STX11: variants seen among roughly 807,000 people sequenced by gnomAD.
The protein encoded by STX11 is syntaxin-11.
Under a neutral mutation model 19.9 loss-of-function variants are expected in STX11, and 21 were observed. The observed-to-expected ratio is 1.06, with a 90% CI of 0.75 to 1.52. STX11 has a LOEUF of 1.52. Among genes scored for constraint, STX11 ranks in the 40% most tolerant of loss-of-function variants. The pLI is 0.00. For synonymous variants in STX11, 193 were observed against 174.4 expected, an observed-to-expected ratio of 1.11 and a Z score of -0.84; for missense variants, 438 against 405.9, an observed-to-expected ratio of 1.08 and a Z score of -0.68.
the STX11 span, among the ~76,000 whole-genome samples, chr6:144,143,266 C>A: frequency 6.6e-6 from 1 of 152,206 alleles, no homozygotes; most frequent in Admixed American, 6.5e-5. Flanking sequence ...GGGAACATTT[C>A]TGTCAGGATT....
chr6:144,187,570 C>T lies in STX11; in HGVS notation c.*79C>T, dbSNP rs2128757629. The T allele has an allele frequency of 1.3e-6, 2 of 1,589,036 alleles. No homozygotes were observed. Among genetic ancestry groups the T allele is most frequent in the Middle Eastern group, 2.3e-4 (1 of 4,428 alleles). On this transcript the variant is annotated 3_prime_UTR_variant, in exon 2 of 2. Transcript: ENST00000367568. The surrounding 1 kb of genome is among the most constrained non-coding windows in gnomAD (Gnocchi z 5.6). ...GGACGCACCAAAGCCGGGAGCTCTG[C>T]CCTGCAGGGAGTTGCCCCAACCCTT...
rs943481986 is a variant in STX11, at chr6:144,155,845, T to A, written c.-6+5142T>A. On this transcript the variant is annotated intron_variant, in intron 1 of 1. Transcript: ENST00000367568. The surrounding 1 kb of genome is among the most constrained non-coding windows in gnomAD (Gnocchi z 4.5). ...ATTTCATTCAACTTCTTTGTAAGGCTCAGTAATTGGGTAATTTTTAGAATG... is the reference window on the plus strand; with the variant it reads ...ATTTCATTCAACTTCTTTGTAAGGCACAGTAATTGGGTAATTTTTAGAATG... Among the ~76,000 whole-genome samples, 2 of 152,220 alleles carry A rather than the reference T, an allele frequency of 1.3e-5. No homozygotes were observed. Among genetic ancestry groups the A allele is most frequent in the Non-Finnish European group, 2.9e-5 (2 of 68,044 alleles).
chr6:144,141,267 C>T, the STX11 span, among the ~76,000 whole-genome samples: 4 of 151,536 alleles, frequency 2.6e-5, no homozygotes, highest in South Asian at 8.3e-4. Flanking sequence ...TATTTGTATA[C>T]GTTAGAGCAA....
In STX11 at chr6:144,177,788, C is replaced by G. The variant is rs923754615; in HGVS notation, c.-5-8835C>G. Among the ~76,000 whole-genome samples, 1 of 152,194 alleles carries G rather than the reference C, an allele frequency of 6.6e-6. No individual in the cohort carries two copies. Among genetic ancestry groups the G allele is most frequent in the African/African-American group, 2.4e-5 (1 of 41,450 alleles). On this transcript the variant is annotated intron_variant, in intron 1 of 1. Transcript: ENST00000367568. The surrounding 1 kb of genome is among the most constrained non-coding windows in gnomAD (Gnocchi z 4.4). ...AAGAAAGCTCATCTACTGTCCTTTCCTGCTGTGGCTTCTATGCACCTGACT... is the reference window on the plus strand; with the variant it reads ...AAGAAAGCTCATCTACTGTCCTTTCGTGCTGTGGCTTCTATGCACCTGACT...
rs1362197124 is a variant in STX11, at chr6:144,169,581, G to T, written c.-5-17042G>T. 6.6e-6 allele frequency among the ~76,000 whole-genome samples: 1 copy of T among 152,022 alleles called. No homozygotes were observed. The highest frequency in any genetic ancestry group is 1.5e-5 in the Non-Finnish European group (1 of 67,988). The stretch of plus-strand genomic sequence containing the variant: ...ATCCACCCTTTCAATACATGATCAA[G>T]ATCTTCATTTCTAGCTTTATACAGT... On this transcript the variant is annotated intron_variant, in intron 1 of 1. Transcript: ENST00000367568. The surrounding 1 kb of genome is among the most constrained non-coding windows in gnomAD (Gnocchi z 5.2).
In STX11 at chr6:144,154,096, G is replaced by GA. The variant is rs1260506420; in HGVS notation, c.-6+3395dup. Among the ~76,000 whole-genome samples the GA allele has an allele frequency of 2.6e-5, 4 of 152,212 alleles. No individual in the cohort carries two copies. In the East Asian group the frequency reaches 7.7e-4, roughly 29 times the overall value. ...ACTCAAATTAACTGCTTTGACTGGT[G>GA]AAGAAAGTGCAGTGTTAGTAACTGA... On this transcript the variant is annotated intron_variant, in intron 1 of 1. Transcript: ENST00000367568. This position sits in a 1 kb window ranked among gnomAD's most constrained non-coding sequence, Gnocchi z 4.7.
rs538053112 is a variant in STX11 at position 144,151,218 on chromosome 6, C to A, written c.-6+515C>A. On this transcript the variant is annotated intron_variant, in intron 1 of 1. Coordinates refer to ENST00000367568, the MANE Select transcript of STX11 (RefSeq NM_003764.4). This position sits in a 1 kb window ranked among gnomAD's most constrained non-coding sequence, Gnocchi z 4.6. Reference sequence around the variant, plus strand: ...CTTCGAGGAGTCCCTTCGAAGCCCACGTAAGACTTTGTTTTAGAAACATGG... The same window carrying A: ...CTTCGAGGAGTCCCTTCGAAGCCCAAGTAAGACTTTGTTTTAGAAACATGG... 1 of 985,102 alleles carries A rather than the reference C, an allele frequency of 1.0e-6. No individual in the cohort carries two copies. The highest frequency in any genetic ancestry group is 1.1e-4 in the East Asian group (1 of 8,816). The allele number at this position is 985,102 out of a possible 1,614,324, so 61.0% of individuals were successfully genotyped here.
chr6:144,152,565 C>T lies in STX11; in HGVS notation c.-6+1862C>T, dbSNP rs184582817. Among the ~76,000 whole-genome samples the T allele has an allele frequency of 1.2e-3, 178 of 152,310 alleles. No individual in the cohort carries two copies. Among genetic ancestry groups the T allele is most frequent in the African/African-American group, 4.0e-3 (168 of 41,560 alleles). On this transcript the variant is annotated intron_variant, in intron 1 of 1. Coordinates refer to ENST00000367568, the MANE Select transcript of STX11 (RefSeq NM_003764.4). The surrounding 1 kb of genome is among the most constrained non-coding windows in gnomAD (Gnocchi z 4.9). ...AATTCAGCTGATTATCACCCCTGGACAATTGCAGTCACCTTTAGTTAACAG... is the reference window on the plus strand; with the variant it reads ...AATTCAGCTGATTATCACCCCTGGATAATTGCAGTCACCTTTAGTTAACAG...
rs537881717 is a variant in STX11, at chr6:144,187,853, T to C, written c.*362T>C. ...AATAAAGACTCAAGGAGGAAGTCAATTGGGCATCTGCTAATAGAATGAACT... is the reference window on the plus strand; with the variant it reads ...AATAAAGACTCAAGGAGGAAGTCAACTGGGCATCTGCTAATAGAATGAACT... On this transcript the variant is annotated 3_prime_UTR_variant, in exon 2 of 2. Transcript: ENST00000367568. The surrounding 1 kb of genome is among the most constrained non-coding windows in gnomAD (Gnocchi z 5.6). 6.3e-5 allele frequency: 25 copies of C among 394,776 alleles called. No individual in the cohort carries two copies. Among genetic ancestry groups the C allele is most frequent in the African/African-American group, 2.2e-4 (11 of 49,886 alleles). 24.5% of individuals were successfully genotyped at this position (394,776 alleles called of 1,614,324 possible).
rs1184644108 is a variant in STX11, at chr6:144,167,193, G to A, written c.-6+16490G>A. ...TTTTATAGAATTAGTATATATAGTT[G>A]TATTAGATGATGGAAAATTGTTACT... On this transcript the variant is annotated intron_variant, in intron 1 of 1. Transcript: ENST00000367568. The surrounding 1 kb of genome is among the most constrained non-coding windows in gnomAD (Gnocchi z 5.0). 6.6e-6 allele frequency among the ~76,000 whole-genome samples: 1 copy of A among 152,130 alleles called. No individual in the cohort carries two copies. The highest frequency in any genetic ancestry group is 1.5e-5 in the Non-Finnish European group (1 of 68,030).
chr6:144,181,927 T>C (rs1156632945), intron 1 of STX11, among the ~76,000 whole-genome samples: 1 of 152,220 alleles, frequency 6.6e-6, no homozygotes, highest in East Asian at 1.9e-4. Context: ...GAAAAGAAAA[T>C]TAGAAAGCAG....
chr6:144,158,509 A>T (rs1801238019), intron 1 of STX11, among the ~76,000 whole-genome samples: 1 of 152,200 alleles, frequency 6.6e-6, no homozygotes, highest in Non-Finnish European at 1.5e-5. Flanking sequence ...AGGTTTCAGG[A>T]TATCTTATGC....
chr6:144,188,927 C>T lies in STX11; in HGVS notation c.*1436C>T, dbSNP rs920917656. On this transcript the variant is annotated 3_prime_UTR_variant, in exon 2 of 2. Transcript: ENST00000367568. ...GTTTTTAGTAAAGACGGTGTTTCAC[C>T]GTGTTAGCCAGGATGGTCTTGATCT... Among the ~76,000 whole-genome samples, 2 of 151,892 alleles carry T rather than the reference C, an allele frequency of 1.3e-5. No homozygotes were observed. The highest frequency in any genetic ancestry group is 2.4e-5 in the African/African-American group (1 of 41,326).
At chr6:144,148,792 C>T (rs552732221), upstream of STX11, among the ~76,000 whole-genome samples, 1 of 152,326 alleles carries the variant, frequency 6.6e-6, no homozygotes, top group East Asian at 1.9e-4. Flanking sequence ...CAGCATCTGG[C>T]TATGTCGGCC....
In STX11 at chr6:144,165,821, C is replaced by T. The variant is rs904154178; in HGVS notation, c.-6+15118C>T. On this transcript the variant is annotated intron_variant, in intron 1 of 1. Transcript: ENST00000367568. This position sits in a 1 kb window ranked among gnomAD's most constrained non-coding sequence, Gnocchi z 5.8. ...TACTTTAAAGTTAACAAAGTGCTCT[C>T]ATGTACATAACTTACGTAACTTAAC... Among the ~76,000 whole-genome samples the T allele has an allele frequency of 7.2e-5, 11 of 152,176 alleles. No individual in the cohort carries two copies. Among genetic ancestry groups the T allele is most frequent in the Non-Finnish European group, 1.3e-4 (9 of 68,020 alleles).
At chr6:144,146,027 C>T (rs1379496265), upstream of STX11, among the ~76,000 whole-genome samples, 1 of 152,168 alleles carries the variant, frequency 6.6e-6, no homozygotes, top group African/African-American at 2.4e-5. The surrounding 1 kb of genome is among the most constrained non-coding windows in gnomAD (Gnocchi z 4.4). Flanking sequence ...AGTTCTCGAA[C>T]TAGCATGAAA....
At chr6:144,163,587 C>T (rs1008856518) in intron 1 of STX11, among the ~76,000 whole-genome samples, 9 of 152,016 alleles carry the variant, frequency 5.9e-5, no homozygotes, top group African/African-American at 1.9e-4. Context: ...AAGTGATTCT[C>T]CCTGCCTCTG....
chr6:144,160,800 A>G lies in STX11; in HGVS notation c.-6+10097A>G, dbSNP rs970404455. The stretch of plus-strand genomic sequence containing the variant: ...ACCAAAAAAACTGGAACTATAAATT[A>G]TAGTGCAAGTGAACATTTAACTCAG... On this transcript the variant is annotated intron_variant, in intron 1 of 1. Transcript: ENST00000367568. The surrounding 1 kb of genome is among the most constrained non-coding windows in gnomAD (Gnocchi z 4.3). Among the ~76,000 whole-genome samples the G allele has an allele frequency of 6.6e-6, 1 of 152,202 alleles. No homozygotes were observed. Among genetic ancestry groups the G allele is most frequent in the Non-Finnish European group, 1.5e-5 (1 of 68,024 alleles).
rs556771575 is a variant in STX11, at chr6:144,190,718, C to A, written c.*3227C>A. Among the ~76,000 whole-genome samples, 1 of 152,238 alleles carries A rather than the reference C, an allele frequency of 6.6e-6. No individual in the cohort carries two copies. The highest frequency in any genetic ancestry group is 2.1e-4 in the South Asian group (1 of 4,820). On this transcript the variant is annotated 3_prime_UTR_variant, in exon 2 of 2. Transcript: ENST00000367568. ...AGCAGGAAGCAGCTGTTCTGCTCAG[C>A]TTGGCAGGTGTTCTTTCCTAATTCT...
Sources: allele counts gnomAD v4.1 joint callset (sites outside exome capture counted in the v4.1 genomes callset), GRCh38; gene constraint gnomAD v4.1.1; non-coding constraint Gnocchi (gnomAD v3.1); transcripts MANE v1.5; gene names NCBI Gene and HGNC (gene_info 2026-07-23, HGNC 2026-07-21).